The following MROH9 variants were observed in gnomAD, a reference collection of about 807,000 sequenced individuals.
The protein encoded by MROH9 is maestro heat-like repeat-containing protein family member 9.
In MROH9, 92 loss-of-function variants were observed where a neutral mutation model predicts 98.2. The ratio of observed to expected loss-of-function variants is 0.94; its 90% CI spans 0.79 to 1.11. MROH9 has a LOEUF of 1.11. Among genes scored for constraint, MROH9 ranks in the 50% most tolerant of loss-of-function variants. MROH9 has a pLI of 0.00. For synonymous variants in MROH9, 397 were observed against 368.9 expected (o/e 1.08, Z -0.87); for missense variants, 1,057 against 1,014.8 (o/e 1.04, Z -0.57).
intron 14 of MROH9, 33 bp downstream of exon 14, chr1:170,996,677 G>A: frequency 6.2e-7 from 1 of 1,608,938 alleles, no homozygotes; most frequent in African/African-American, 1.3e-5. Flanking sequence ...AGGATTCTTG[G>A]TCTCTATCCT....
chr1:170,988,155 C>G (rs1651220618), intron 10 of MROH9, among the ~76,000 whole-genome samples: 1 of 152,172 alleles, frequency 6.6e-6, no homozygotes, highest in African/African-American at 2.4e-5. Context: ...AGGGTACCTT[C>G]TCAGCATGGA....
Position 170,951,767 on chromosome 1 carries a change from A to G in MROH9, c.72+4194A>G, listed in dbSNP as rs1242967985. 2.0e-5 allele frequency among the ~76,000 whole-genome samples: 3 copies of G among 152,112 alleles called. No homozygotes were observed. The East Asian group carries it at 5.8e-4, about 29-fold the overall frequency. ...AGCACAGTCCCAGCTGCTAAGTCCT[A>G]TAAAGACAGGGCTGTTGTAAAAGAG... On this transcript the variant is annotated intron_variant, in intron 3 of 21. Coordinates refer to ENST00000367759, the MANE Select transcript of MROH9 (RefSeq NM_001163629.2).
At chr1:170,947,477 T>C (rs763152833) in intron 2 of MROH9, 50 bp from the exon 3 acceptor site, 10 of 1,510,578 alleles carry the variant, frequency 6.6e-6, no homozygotes, top group Admixed American at 3.4e-5. Flanking sequence ...ACTAAGATGA[T>C]AGGAGTCTAT....
At chr1:171,036,390 A>G (rs1485312044) in intron 20 of MROH9, among the ~76,000 whole-genome samples, 1 of 152,108 alleles carries the variant, frequency 6.6e-6, no homozygotes, top group African/African-American at 2.4e-5. Context: ...GTATATATAC[A>G]TACCAAGAGT....
chr1:170,945,690 T>A, intron 2 of MROH9, 109 bp downstream of exon 2: 1 of 936,162 alleles, frequency 1.1e-6, no homozygotes, highest in Non-Finnish European at 1.5e-6. Flanking sequence ...GTAACCATGA[T>A]AACAAAGAAT....
chr1:170,958,618 G>C, intron 4 of MROH9, 78 bp downstream of exon 4: 1 of 1,009,398 alleles, frequency 9.9e-7, no homozygotes, highest in Non-Finnish European at 1.5e-6. Flanking sequence ...ACATGCAATT[G>C]TGAAAGATAA....
chr1:171,021,168 T>C (rs1016919493), intron 17 of MROH9, among the ~76,000 whole-genome samples: 1 of 152,082 alleles, frequency 6.6e-6, no homozygotes, highest in Admixed American at 6.6e-5. Flanking sequence ...TCAATATCAT[T>C]AAAATGGCCA....
chr1:170,935,643 T>A (rs1278918266), intron 1 of MROH9, 56 bp downstream of exon 1: 2 of 152,150 alleles, frequency 1.3e-5, no homozygotes, highest in African/African-American at 4.8e-5. Flanking sequence ...TTTTTTCTAA[T>A]CCTGACTACT....
chr1:170,998,540 G>A, intron 15 of MROH9: 1 of 1,416,784 alleles, frequency 7.1e-7, no homozygotes, highest in African/African-American at 1.4e-5. Flanking sequence ...TATTTTTTAG[G>A]ACCAGTTTAT....
rs148068121 is a variant in MROH9, at chr1:171,005,815, T to TA, written c.1596+7542dup. 8.9e-3 allele frequency among the ~76,000 whole-genome samples: 1,350 copies of TA among 152,324 alleles called. 17 individuals carry two copies. Among genetic ancestry groups the TA allele is most frequent in the African/African-American group, 0.031 (1,302 of 41,568 alleles). ...TAAAGTACTAGGACTTGCAGCACTTTACACTTTTTCTCCTTACCTGCTCCC... is the reference window on the plus strand; with the variant it reads ...TAAAGTACTAGGACTTGCAGCACTTTAACACTTTTTCTCCTTACCTGCTCCC... On this transcript the variant is annotated intron_variant, in intron 15 of 21. Transcript: ENST00000367759.
chr1:170,992,034 T>C lies in MROH9; in HGVS notation c.1029-130T>C, dbSNP rs139191253. 8.1e-4 allele frequency: 672 copies of C among 828,424 alleles called. 4 individuals are homozygous for C. The African/African-American group carries it at 0.01, about 13-fold the overall frequency. The allele number at this position is 828,424 out of a possible 1,614,324, so 51.3% of individuals were successfully genotyped here. A position where few individuals can be genotyped will look rare whatever the true frequency, so the allele number is the denominator to read the frequency against. ...TGGAAATAGGAATCTCAGTTTGCTT[T>C]GGACATGTCTGCAGTGTCTTTGCTA... On this transcript the variant is annotated intron_variant, in intron 11 of 21. Coordinates refer to ENST00000367759, the MANE Select transcript of MROH9 (RefSeq NM_001163629.2).
intron 20 of MROH9, among the ~76,000 whole-genome samples, chr1:171,048,790 C>T (rs2101866151): frequency 6.6e-6 from 1 of 152,274 alleles, no homozygotes; most frequent in African/African-American, 2.4e-5. Context: ...AGAGGTTCAC[C>T]CAAGGCCCAC....
chr1:171,048,628 G>A (rs1406646586), intron 20 of MROH9, among the ~76,000 whole-genome samples: 1 of 152,128 alleles, frequency 6.6e-6, no homozygotes, highest in Non-Finnish European at 1.5e-5. Context: ...GAGCCCACTT[G>A]ATGCTCTGCC....
At chr1:171,058,267 G>T (rs1463378178) in intron 20 of MROH9, among the ~76,000 whole-genome samples, 2 of 150,842 alleles carry the variant, frequency 1.3e-5, no homozygotes, top group African/African-American at 4.9e-5. Context: ...AAAATACCTT[G>T]GAATACAGCT....
At chr1:171,024,612 A>G in intron 18 of MROH9, 37 bp from the exon 19 acceptor site, 1 of 1,536,658 alleles carries the variant, frequency 6.5e-7, no homozygotes, top group Non-Finnish European at 8.8e-7. Flanking sequence ...CTAACAACAG[A>G]TGAATAGATC....
intron 20 of MROH9, among the ~76,000 whole-genome samples, chr1:171,045,713 A>G (rs951440508): frequency 5.3e-5 from 8 of 152,212 alleles, no homozygotes; most frequent in African/African-American, 1.9e-4. Context: ...GACCTAACAT[A>G]CAGTCTATCT....
chr1:170,947,404 G>T (rs1649373310), intron 2 of MROH9, 123 bp from the exon 3 acceptor site: 1 of 733,192 alleles, frequency 1.4e-6, no homozygotes, highest in Non-Finnish European at 2.4e-6. Context: ...GTGTGTGTGT[G>T]CATGTCCTTG....
chr1:170,942,644 G>A (rs1043182248), intron 1 of MROH9, among the ~76,000 whole-genome samples: 3 of 152,046 alleles, frequency 2.0e-5, no homozygotes, highest in African/African-American at 7.2e-5. Context: ...TGACATGCCT[G>A]GAATAGGACT....
At chr1:171,014,832 T>C (rs1391540074) in intron 16 of MROH9, among the ~76,000 whole-genome samples, 2 of 152,186 alleles carry the variant, frequency 1.3e-5, no homozygotes, top group African/African-American at 4.8e-5. Flanking sequence ...ACCTGGAGAC[T>C]TGCTAGAAAT....
Sources: allele counts gnomAD v4.1 joint callset (sites outside exome capture counted in the v4.1 genomes callset), GRCh38; gene constraint gnomAD v4.1.1; transcripts MANE v1.5; gene names NCBI Gene and HGNC (gene_info 2026-07-23, HGNC 2026-07-21).